The following TRIM14 variants were observed in gnomAD, a reference collection of about 807,000 sequenced individuals.
The protein encoded by TRIM14 is tripartite motif containing 14.
Under a neutral mutation model 44.5 loss-of-function variants are expected in TRIM14, and 28 were observed. The ratio of observed to expected loss-of-function variants is 0.63; its 90% confidence interval spans 0.47 to 0.86. The LOEUF (loss-of-function observed/expected upper bound fraction) is 0.86, where lower values mean the gene tolerates loss of function less well. Among genes scored for constraint, TRIM14 ranks in the 40% least tolerant of loss-of-function variants. The pLI is 0.00. For synonymous variants in TRIM14, 299 were observed against 269.2 expected (o/e 1.11, Z -1.08); for missense variants, 607 against 611.1 (o/e 0.99, Z 0.07).
the TRIM14 span, among the ~76,000 whole-genome samples, chr9:98,055,745 T>TAA: frequency 6.6e-6 from 1 of 151,982 alleles, no homozygotes; most frequent in African/African-American, 2.4e-5. Flanking sequence ...ATTAATTAAT[T>TAA]TATTTATTTT....
At chr9:98,105,259 C>G (rs1826562278) in intron 2 of TRIM14, among the ~76,000 whole-genome samples, 1 of 152,252 alleles carries the variant, frequency 6.6e-6, no homozygotes, top group African/African-American at 2.4e-5. Context: ...GGGTCTGGTG[C>G]CAGGCTGGGC....
the TRIM14 span, among the ~76,000 whole-genome samples, chr9:98,045,792 C>T: frequency 6.6e-6 from 1 of 152,182 alleles, no homozygotes; most frequent in Non-Finnish European, 1.5e-5. Context: ...AAGGTACCTG[C>T]AGGACCCATT....
intron 1 of TRIM14, 39 bp downstream of exon 1, chr9:98,118,943 C>G (rs1229623848): frequency 2.0e-6 from 3 of 1,464,666 alleles, no homozygotes; most frequent in Admixed American, 5.1e-5. Context: ...CTGGCTCCCC[C>G]AACTCCCGCG....
downstream of TRIM14, among the ~76,000 whole-genome samples, chr9:98,064,877 T>C (rs1829090110): frequency 6.6e-6 from 1 of 152,116 alleles, no homozygotes; most frequent in Non-Finnish European, 1.5e-5. Context: ...AGTTCAAGAC[T>C]GAAGTTGGCT....
Position 98,119,212 on chromosome 9 carries a change from C to G in TRIM14, c.-24G>C. On this transcript the variant is annotated 5_prime_UTR_variant, in exon 1 of 6. Coordinates refer to ENST00000341469, the MANE Select transcript of TRIM14 (RefSeq NM_014788.4). ...ATTCATCTCCACCTCCTCCGGCTCC[C>G]CGGGACACAGGGCGGGGCTCCCAAG... 1 of 1,562,830 alleles carries G rather than the reference C, an allele frequency of 6.4e-7. No individual in the cohort carries two copies. The highest frequency in any genetic ancestry group is 1.4e-5 in the African/African-American group (1 of 70,936).
At chr9:98,072,718 A>C (rs1411951995) in intron 6 of TRIM14, among the ~76,000 whole-genome samples, 1 of 152,098 alleles carries the variant, frequency 6.6e-6, no homozygotes, top group Non-Finnish European at 1.5e-5. Flanking sequence ...AGGAAAGTGC[A>C]TTCTTTAAGA....
chr9:98,117,317 A>ATTTAT (rs1587981763), intron 1 of TRIM14, among the ~76,000 whole-genome samples: 3 of 131,490 alleles, frequency 2.3e-5, no homozygotes, highest in Non-Finnish European at 3.3e-5. Context: ...TATTTATTTA[A>ATTTAT]GACAAAGTCT....
chr9:98,110,124 A>C (rs1211067463), intron 1 of TRIM14, 140 bp from the exon 2 acceptor site: 1 of 654,332 alleles, frequency 1.5e-6, no homozygotes, highest in East Asian at 2.7e-5. Flanking sequence ...GCCCAAAGTC[A>C]TATGGCAAGT....
At chr9:98,112,085 A>G (rs904482676) in intron 1 of TRIM14, among the ~76,000 whole-genome samples, 6 of 152,208 alleles carry the variant, frequency 3.9e-5, no homozygotes, top group African/African-American at 1.4e-4. Context: ...AAAATTGAGG[A>G]GCCATCTTTC....
In TRIM14 at chr9:98,085,918, A is replaced by G. The variant is rs1825758861; in HGVS notation, c.*1552T>C. The stretch of plus-strand genomic sequence containing the variant: ...CTATGAAGATGCTTTAACAGAATAT[A>G]ACTTCAAAACCGTCTAGGGAATTGA... On this transcript the variant is annotated 3_prime_UTR_variant, in exon 6 of 6. Transcript: ENST00000341469. 6.6e-6 allele frequency: 1 copy of G among 152,216 alleles called. No homozygotes were observed. Among genetic ancestry groups the G allele is most frequent in the East Asian group, 1.9e-4 (1 of 5,202 alleles). 9.4% of individuals were successfully genotyped at this position (152,216 alleles called of 1,614,324 possible). A position where few individuals can be genotyped will look rare whatever the true frequency, so the allele number is the denominator to read the frequency against.
Position 98,087,214 on chromosome 9 carries a change from T to A in TRIM14, c.*256A>T, listed in dbSNP as rs181234322. 18 of 763,840 alleles carry A rather than the reference T, an allele frequency of 2.4e-5. No individual in the cohort carries two copies. In the Admixed American group the frequency reaches 2.9e-4, roughly 12 times the overall value. 47.3% of individuals were successfully genotyped at this position (763,840 alleles called of 1,614,324 possible). A position where few individuals can be genotyped will look rare whatever the true frequency, so the allele number is the denominator to read the frequency against. ...TCACTTTGAAGGAACTGGATTAAAG[T>A]AGTGTAAGTGATGGTGGGGTGAGGG... On this transcript the variant is annotated 3_prime_UTR_variant, in exon 6 of 6. Coordinates refer to ENST00000341469, the MANE Select transcript of TRIM14 (RefSeq NM_014788.4).
the TRIM14 span, among the ~76,000 whole-genome samples, chr9:98,037,214 CT>C: frequency 7.2e-4 from 110 of 152,122 alleles, 1 homozygote; most frequent in African/African-American, 2.6e-3. Context: ...CCTGTCTCTA[CT>C]AAAAATACAA....
chr9:98,081,812 C>G (rs1402829154), downstream of TRIM14: 2 of 152,218 alleles, frequency 1.3e-5, no homozygotes, highest in Non-Finnish European at 2.9e-5. Flanking sequence ...ACCTTTTATT[C>G]TAGTGGGGCC....
At chr9:98,048,167 T>C in the TRIM14 span, among the ~76,000 whole-genome samples, 230 of 152,274 alleles carry the variant, frequency 1.5e-3, 2 homozygotes, top group African/African-American at 5.3e-3. Flanking sequence ...GCTGGTTAGC[T>C]TTGGATTGCT....
chr9:98,103,443 G>A (rs976608427), intron 2 of TRIM14, among the ~76,000 whole-genome samples: 4 of 152,056 alleles, frequency 2.6e-5, no homozygotes, highest in African/African-American at 7.2e-5. Context: ...TGGGGGTAAG[G>A]GAAAAGAGAG....
At chr9:98,080,783 A>G (rs1211084849), downstream of TRIM14, 2 of 1,544,364 alleles carry the variant, frequency 1.3e-6, no homozygotes, top group East Asian at 2.3e-5. Flanking sequence ...GCAGCATGAT[A>G]TTTAATGTTA....
At chr9:98,068,796 C>A (rs997528832), downstream of TRIM14, among the ~76,000 whole-genome samples, 1 of 150,092 alleles carries the variant, frequency 6.7e-6, no homozygotes, top group Non-Finnish European at 1.5e-5. Flanking sequence ...ACTCCAGACT[C>A]CAGCCTTGGC....
downstream of TRIM14, chr9:98,081,139 T>C (rs1183765701): frequency 1.1e-5 from 18 of 1,599,024 alleles, no homozygotes; most frequent in Non-Finnish European, 1.5e-5. Flanking sequence ...AAGGATAGGC[T>C]GGCCTGAGAG....
the TRIM14 span, among the ~76,000 whole-genome samples, chr9:98,043,103 C>A: frequency 6.6e-6 from 1 of 151,750 alleles, no homozygotes; most frequent in Non-Finnish European, 1.5e-5. Flanking sequence ...TCTTTTTTTC[C>A]CCCTATTTAG....
Sources: allele counts gnomAD v4.1 joint callset (sites outside exome capture counted in the v4.1 genomes callset), GRCh38; gene constraint gnomAD v4.1.1; transcripts MANE v1.5; gene names NCBI Gene and HGNC (gene_info 2026-07-23, HGNC 2026-07-21).